TOX3: variants seen among roughly 807,000 people sequenced by gnomAD.
The protein encoded by TOX3 is TOX high mobility group box family member 3, also known as CAG trinucleotide repeat-containing gene F9 protein.
Under a neutral mutation model 64.3 loss-of-function variants are expected in TOX3, and 22 were observed. The ratio of observed to expected loss-of-function variants is 0.34; its 90% confidence interval spans 0.24 to 0.49. The LOEUF (loss-of-function observed/expected upper bound fraction) is 0.49. Among genes scored for constraint, TOX3 ranks in the 20% least tolerant of loss-of-function variants. The probability of loss-of-function intolerance (pLI) is 0.99; values close to 1 mark genes in which losing one functional copy is unlikely to be tolerated. For missense variants in TOX3, 661 were observed against 714.4 expected (o/e 0.93, Z 0.85); for synonymous variants, 291 against 273.6 (o/e 1.06, Z -0.63).
chr16:52,531,522 TA>T (rs899652164), intron 1 of TOX3, among the ~76,000 whole-genome samples: 1 of 152,224 alleles, frequency 6.6e-6, no homozygotes, highest in African/African-American at 2.4e-5. Flanking sequence ...AAGTGGTGTA[TA>T]AAAAACTTTT....
chr16:52,540,150 C>T (rs1963044601), intron 1 of TOX3, among the ~76,000 whole-genome samples: 1 of 151,988 alleles, frequency 6.6e-6, no homozygotes, highest in Non-Finnish European at 1.5e-5. Context: ...AGGTCAAAGG[C>T]AGGAGGATCA....
chr16:52,491,620 G>T (rs1961689855), intron 1 of TOX3, among the ~76,000 whole-genome samples: 1 of 152,104 alleles, frequency 6.6e-6, no homozygotes, highest in East Asian at 1.9e-4. Flanking sequence ...GGACTGATCT[G>T]CTTGTCCTAC....
At chr16:52,496,217 C>T (rs867439118) in intron 1 of TOX3, among the ~76,000 whole-genome samples, 1 of 152,144 alleles carries the variant, frequency 6.6e-6, no homozygotes, top group African/African-American at 2.4e-5. Context: ...CAAACAAGAG[C>T]TTAACTTTAA....
In TOX3 at chr16:52,439,216, T is replaced by C. The variant is rs373582676; in HGVS notation, c.*9A>G. On this transcript the variant is annotated 3_prime_UTR_variant, in exon 7 of 7. Coordinates refer to ENST00000219746, the MANE Select transcript of TOX3 (RefSeq NM_001080430.4). ...TTGGTATACGCAAATCCGTCTGCCA[T>C]ATGCGTCTTCAGAAAATACTGACCT... The C allele has an allele frequency of 1.1e-5, 17 of 1,613,748 alleles. No individual in the cohort carries two copies. Among genetic ancestry groups the C allele is most frequent in the South Asian group, 2.2e-5 (2 of 91,070 alleles).
chr16:52,502,281 C>G (rs1051743097), intron 1 of TOX3, among the ~76,000 whole-genome samples: 1 of 152,088 alleles, frequency 6.6e-6, no homozygotes, highest in Non-Finnish European at 1.5e-5. Context: ...TGGAAAAAAG[C>G]CACACTTTTC....
At chr16:52,468,801 A>G (rs975298494) in intron 1 of TOX3, among the ~76,000 whole-genome samples, 1 of 152,192 alleles carries the variant, frequency 6.6e-6, no homozygotes, top group African/African-American at 2.4e-5. Context: ...TCTCATCAAG[A>G]CTAACTGTGA....
intron 1 of TOX3, among the ~76,000 whole-genome samples, chr16:52,509,511 C>T (rs1962245802): frequency 6.6e-6 from 1 of 152,330 alleles, no homozygotes; most frequent in Admixed American, 6.5e-5. Flanking sequence ...GAAATTTTAA[C>T]ATTCAGACCT....
At chr16:52,478,619 C>T (rs543735237) in intron 1 of TOX3, among the ~76,000 whole-genome samples, 11 of 152,206 alleles carry the variant, frequency 7.2e-5, no homozygotes, top group Admixed American at 1.3e-4. Context: ...AGTATCTGGC[C>T]CACAGGAGCT....
rs146811276 is a variant in TOX3, at chr16:52,469,950, A to G, written c.88-1376T>C. Among the ~76,000 whole-genome samples the G allele has an allele frequency of 8.1e-3, 1,234 of 152,314 alleles. 18 individuals are homozygous for G. The highest frequency in any genetic ancestry group is 0.028 in the African/African-American group (1,172 of 41,572). ...ATCCCACAACAGCCAACACACCGAA[A>G]TGCACATACAATGAGTCATCCGACA... On this transcript the variant is annotated intron_variant, in intron 1 of 6. Coordinates refer to ENST00000219746, the MANE Select transcript of TOX3 (RefSeq NM_001080430.4).
intron 3 of TOX3, among the ~76,000 whole-genome samples, chr16:52,453,030 C>T (rs1220070685): frequency 6.6e-6 from 1 of 152,158 alleles, no homozygotes; most frequent in Non-Finnish European, 1.5e-5. Flanking sequence ...ACCACATTTG[C>T]TCATTTCTCC....
intron 1 of TOX3, among the ~76,000 whole-genome samples, chr16:52,510,590 T>C (rs973472905): frequency 6.6e-6 from 1 of 151,762 alleles, no homozygotes; most frequent in African/African-American, 2.4e-5. Context: ...ATCCCATCTC[T>C]ACTAAAAATA....
At chr16:52,540,496 C>T (rs1263005891) in intron 1 of TOX3, among the ~76,000 whole-genome samples, 3 of 152,114 alleles carry the variant, frequency 2.0e-5, no homozygotes, top group Admixed American at 1.3e-4. Flanking sequence ...CAGAGCATAA[C>T]ACTAATTAAT....
chr16:52,498,310 T>C (rs1333607140), intron 1 of TOX3, among the ~76,000 whole-genome samples: 1 of 151,696 alleles, frequency 6.6e-6, no homozygotes, highest in Non-Finnish European at 1.5e-5. Context: ...TTTTCTATTA[T>C]TGCCTAGCTA....
chr16:52,522,690 A>G (rs1467320506), intron 1 of TOX3, among the ~76,000 whole-genome samples: 1 of 152,212 alleles, frequency 6.6e-6, no homozygotes. Context: ...TCATGCAACA[A>G]CAGGGAGAGT....
intron 1 of TOX3, among the ~76,000 whole-genome samples, chr16:52,537,173 G>C (rs982498991): frequency 1.4e-4 from 21 of 151,856 alleles, no homozygotes; most frequent in Admixed American, 9.2e-4. Context: ...ATATATGTAT[G>C]TAAACACATA....
intron 1 of TOX3, among the ~76,000 whole-genome samples, chr16:52,492,678 A>G (rs912406831): frequency 3.4e-5 from 5 of 148,820 alleles, no homozygotes; most frequent in African/African-American, 4.9e-5. Flanking sequence ...ACAGATGGCC[A>G]ATCAAAATTA....
chr16:52,464,685 C>T (rs1315794199), intron 2 of TOX3, among the ~76,000 whole-genome samples: 1 of 152,100 alleles, frequency 6.6e-6, no homozygotes, highest in African/African-American at 2.4e-5. Flanking sequence ...TTTTAATTTC[C>T]TCATTGGTAT....
At chr16:52,460,763 A>G (rs527580652) in intron 3 of TOX3, among the ~76,000 whole-genome samples, 1 of 152,138 alleles carries the variant, frequency 6.6e-6, no homozygotes, top group African/African-American at 2.4e-5. Flanking sequence ...CTATAATAGC[A>G]TAGAGATAAA....
At chr16:52,523,223 G>C (rs1052911350) in intron 1 of TOX3, among the ~76,000 whole-genome samples, 5 of 152,168 alleles carry the variant, frequency 3.3e-5, no homozygotes, top group South Asian at 2.1e-4. Flanking sequence ...ACGGTATTTG[G>C]GGCAGAGGAA....
Sources: gnomAD v4.1 joint callset for allele counts (sites outside exome capture counted in the v4.1 genomes callset) on GRCh38, gnomAD v4.1.1 for gene constraint, MANE v1.5 for transcripts, NCBI Gene and HGNC (gene_info 2026-07-23, HGNC 2026-07-21) for gene names.